The following CSMD1 variants were observed in gnomAD, a reference collection of about 807,000 sequenced individuals.
CSMD1 encodes the protein CUB and Sushi multiple domains 1.
Under a neutral mutation model 417.5 loss-of-function variants are expected in CSMD1, and 213 were observed. The ratio of observed to expected loss-of-function variants is 0.51; its 90% CI spans 0.46 to 0.57. The LOEUF is 0.57. CSMD1 is among the 20% of genes least tolerant of loss of function. The probability of loss-of-function intolerance (pLI) is 0.00; values close to 1 mark genes in which losing one functional copy is unlikely to be tolerated. For missense variants in CSMD1, 6,923 were observed against 4,529.7 expected, an observed-to-expected ratio of 1.53 and a Z score of -15.17; for synonymous variants, 2,862 against 1,736.8, an observed-to-expected ratio of 1.65 and a Z score of -16.11.
chr8:3,447,536 G>C (rs552137852), intron 12 of CSMD1, among the ~76,000 whole-genome samples: 2 of 152,204 alleles, frequency 1.3e-5, no homozygotes, highest in Admixed American at 6.5e-5. Context: ...GTGTGGGACA[G>C]GTGGCACCCG....
chr8:4,964,501 C>CAA (rs768264857), intron 1 of CSMD1, among the ~76,000 whole-genome samples: 35,782 of 79,980 alleles, frequency 0.45, 8,919 homozygotes, highest in South Asian at 0.54. Flanking sequence ...GACCCTGTCT[C>CAA]CAAAAAAAAA....
At chr8:3,026,492 G>C (rs1302025874) in intron 51 of CSMD1, among the ~76,000 whole-genome samples, 1 of 151,688 alleles carries the variant, frequency 6.6e-6, no homozygotes, top group Non-Finnish European at 1.5e-5. Context: ...GGGCTTGACT[G>C]GGCCTCACTG....
intron 2 of CSMD1, among the ~76,000 whole-genome samples, chr8:4,633,066 G>A (rs547244222): frequency 6.6e-6 from 1 of 152,130 alleles, no homozygotes. Flanking sequence ...GCCAGGGCTA[G>A]GACAGCAGCA....
intron 2 of CSMD1, among the ~76,000 whole-genome samples, chr8:4,465,490 C>T (rs967747527): frequency 2.6e-5 from 4 of 152,140 alleles, no homozygotes; most frequent in African/African-American, 9.7e-5. Flanking sequence ...TCGTCGTCCT[C>T]CCAAGAGGTG....
intron 5 of CSMD1, among the ~76,000 whole-genome samples, chr8:3,799,759 C>G (rs550537154): frequency 6.6e-6 from 1 of 152,174 alleles, no homozygotes; most frequent in South Asian, 2.1e-4. Flanking sequence ...CAAAACTTTA[C>G]TCACTGCTAA....
intron 5 of CSMD1, among the ~76,000 whole-genome samples, chr8:3,803,493 A>C (rs74739800): frequency 6.6e-6 from 1 of 152,176 alleles, no homozygotes; most frequent in East Asian, 1.9e-4. Context: ...GCTGAATAAC[A>C]AGAAGAGCCC....
intron 3 of CSMD1, among the ~76,000 whole-genome samples, chr8:4,118,747 T>G (rs776182203): frequency 6.6e-6 from 1 of 152,192 alleles, no homozygotes; most frequent in African/African-American, 2.4e-5. Flanking sequence ...ACTGGGTATA[T>G]GCCCAAAGGA....
intron 3 of CSMD1, among the ~76,000 whole-genome samples, chr8:4,046,303 T>G (rs974493664): frequency 2.0e-5 from 3 of 152,210 alleles, no homozygotes; most frequent in African/African-American, 7.2e-5. Flanking sequence ...TTCAGTTATT[T>G]CTCTTCTTTG....
chr8:2,983,844 T>C (rs1663490355), intron 54 of CSMD1, among the ~76,000 whole-genome samples: 1 of 152,222 alleles, frequency 6.6e-6, no homozygotes, highest in South Asian at 2.1e-4. Flanking sequence ...TAAAGCTTAG[T>C]TTTTAAATTT....
intron 23 of CSMD1, among the ~76,000 whole-genome samples, chr8:3,337,421 A>C (rs149243429): frequency 6.6e-4 from 101 of 152,326 alleles, no homozygotes; most frequent in Middle Eastern, 3.4e-3. Flanking sequence ...CTCAGCCACA[A>C]GGTTTATTCT....
At chr8:4,848,495 C>G (rs1450518665) in intron 1 of CSMD1, among the ~76,000 whole-genome samples, 1 of 152,020 alleles carries the variant, frequency 6.6e-6, no homozygotes, top group Admixed American at 6.6e-5. Context: ...TATCGTGCTG[C>G]CAGTCATTAA....
At chr8:3,470,986 G>A (rs1817060917) in intron 11 of CSMD1, among the ~76,000 whole-genome samples, 1 of 152,182 alleles carries the variant, frequency 6.6e-6, no homozygotes, top group Non-Finnish European at 1.5e-5. Flanking sequence ...TTGAATATGT[G>A]TGTGCAGGTT....
In CSMD1 at chr8:4,957,461, T is replaced by G. The variant is rs561534998; in HGVS notation, c.85+36871A>C. Reference sequence around the variant, plus strand: ...CTTTCTTCTTTTTGCCTAAGTTCTCTTGATCATTTCAGGGAAGACACACAT... The same window carrying G: ...CTTTCTTCTTTTTGCCTAAGTTCTCGTGATCATTTCAGGGAAGACACACAT... On this transcript the variant is annotated intron_variant, in intron 1 of 69. Coordinates refer to ENST00000635120, the MANE Select transcript of CSMD1 (RefSeq NM_033225.6). Among the ~76,000 whole-genome samples, 5 of 152,344 alleles carry G rather than the reference T, an allele frequency of 3.3e-5. No homozygotes were observed. In the East Asian group the frequency reaches 9.6e-4, roughly 29 times the overall value.
At chr8:3,937,460 C>T (rs776434840) in intron 5 of CSMD1, among the ~76,000 whole-genome samples, 20 of 152,136 alleles carry the variant, frequency 1.3e-4, no homozygotes, top group Non-Finnish European at 2.1e-4. Context: ...CATCCATCAA[C>T]ATTGACGAAA....
intron 50 of CSMD1, among the ~76,000 whole-genome samples, chr8:3,030,519 C>T (rs1810272405): frequency 6.6e-6 from 1 of 151,878 alleles, no homozygotes; most frequent in Non-Finnish European, 1.5e-5. Flanking sequence ...CCCAGGCTGC[C>T]AGGCTGGAGG....
chr8:4,023,051 T>G (rs924647022), intron 4 of CSMD1, among the ~76,000 whole-genome samples: 1 of 152,238 alleles, frequency 6.6e-6, no homozygotes, highest in African/African-American at 2.4e-5. Context: ...TGCTTCCATT[T>G]CCTGGCTCTC....
At chr8:4,435,526 C>T (rs530255654) in intron 2 of CSMD1, among the ~76,000 whole-genome samples, 1 of 152,288 alleles carries the variant, frequency 6.6e-6, no homozygotes, top group South Asian at 2.1e-4. Context: ...ACCTTAACTG[C>T]CTGCCTCCTT....
intron 30 of CSMD1, among the ~76,000 whole-genome samples, chr8:3,213,588 G>C (rs756476875): frequency 1.7e-4 from 26 of 151,924 alleles, no homozygotes; most frequent in African/African-American, 7.3e-5. Flanking sequence ...AACTATTGCT[G>C]TTTTGGGGGG....
At chr8:3,926,800 C>G (rs1011580136) in intron 5 of CSMD1, among the ~76,000 whole-genome samples, 2 of 146,226 alleles carry the variant, frequency 1.4e-5, no homozygotes, top group African/African-American at 2.6e-5. Flanking sequence ...ACTGCAACCT[C>G]TGCCTCCCGG....
Sources: gnomAD v4.1 joint callset for allele counts (sites outside exome capture counted in the v4.1 genomes callset) on GRCh38, gnomAD v4.1.1 for gene constraint, MANE v1.5 for transcripts, NCBI Gene and HGNC (gene_info 2026-07-23, HGNC 2026-07-21) for gene names.